ROBO2: variants seen among roughly 807,000 people sequenced by gnomAD.
ROBO2 encodes the protein roundabout guidance receptor 2, also known as roundabout homolog 2.
In ROBO2, 53 loss-of-function variants were observed where a neutral mutation model predicts 160.8. The observed-to-expected ratio is 0.33, with a 90% CI of 0.26 to 0.41. The LOEUF is 0.41. ROBO2 is among the 10% of genes least tolerant of loss of function. ROBO2 has a pLI of 1.00. For missense variants in ROBO2, 1,577 were observed against 1,722.4 expected, an observed-to-expected ratio of 0.92 and a Z score of 1.49; for synonymous variants, 664 against 611.7, an observed-to-expected ratio of 1.09 and a Z score of -1.26.
At chr3:77,393,570 T>C (rs372116813) in intron 2 of ROBO2, among the ~76,000 whole-genome samples, 4 of 148,608 alleles carry the variant, frequency 2.7e-5, no homozygotes, top group East Asian at 1.9e-4. Flanking sequence ...AATAGTATAG[T>C]ATAATTATAA....
chr3:75,933,715 T>G (rs1241980384), intron 1 of ROBO2, among the ~76,000 whole-genome samples: 1 of 151,986 alleles, frequency 6.6e-6, no homozygotes, highest in African/African-American at 2.4e-5. Context: ...TGGGGAAGAA[T>G]AAAACCATCT....
chr3:76,655,392 A>G (rs900060824), intron 2 of ROBO2, among the ~76,000 whole-genome samples: 1 of 119,296 alleles, frequency 8.4e-6, no homozygotes, highest in East Asian at 2.7e-4. Context: ...CAAAAAAAAA[A>G]CTATTTGAAA....
intron 2 of ROBO2, among the ~76,000 whole-genome samples, chr3:76,795,361 T>C (rs758150371): frequency 1.5e-4 from 23 of 152,104 alleles, no homozygotes; most frequent in Non-Finnish European, 2.6e-4. Flanking sequence ...TTTTACCCAC[T>C]GTAGAACTTC....
At chr3:77,562,159 A>G (rs2093342574) in intron 9 of ROBO2, among the ~76,000 whole-genome samples, 1 of 152,166 alleles carries the variant, frequency 6.6e-6, no homozygotes, top group Admixed American at 6.6e-5. Context: ...TTTCAAAAGA[A>G]AGAAAGTGTG....
chr3:76,233,404 A>T (rs1704742663), intron 2 of ROBO2, among the ~76,000 whole-genome samples: 1 of 152,090 alleles, frequency 6.6e-6, no homozygotes, highest in African/African-American at 2.4e-5. Flanking sequence ...TCGGCCTCCC[A>T]AGCTGCTGGG....
At chr3:76,378,221 C>T (rs781303121) in intron 2 of ROBO2, among the ~76,000 whole-genome samples, 1 of 152,022 alleles carries the variant, frequency 6.6e-6, no homozygotes, top group African/African-American at 2.4e-5. Context: ...TTTCTAAATC[C>T]ATGTTTCAAA....
chr3:76,983,983 C>T (rs139810315), intron 2 of ROBO2, among the ~76,000 whole-genome samples: 116 of 152,240 alleles, frequency 7.6e-4, no homozygotes, highest in African/African-American at 2.6e-3. Flanking sequence ...GCAAAGGAGA[C>T]GCAGGCACCT....
chr3:76,538,961 TAG>T (rs2082666578), intron 2 of ROBO2, among the ~76,000 whole-genome samples: 3 of 152,244 alleles, frequency 2.0e-5, no homozygotes, highest in Non-Finnish European at 4.4e-5. Context: ...TCAACAATGA[TAG>T]ACTGGATAAA....
At chr3:76,531,887 A>G (rs2082250806) in intron 2 of ROBO2, among the ~76,000 whole-genome samples, 1 of 151,344 alleles carries the variant, frequency 6.6e-6, no homozygotes, top group African/African-American at 2.4e-5. Flanking sequence ...TTCTTCCCCA[A>G]CTCCCAAAAC....
intron 2 of ROBO2, among the ~76,000 whole-genome samples, chr3:77,163,870 T>C (rs992732424): frequency 6.6e-6 from 1 of 152,224 alleles, no homozygotes; most frequent in African/African-American, 2.4e-5. Context: ...AAATGGTTTC[T>C]CTCAAAGGAT....
At chr3:75,955,103 C>T (rs1948676983) in intron 2 of ROBO2, among the ~76,000 whole-genome samples, 1 of 151,694 alleles carries the variant, frequency 6.6e-6, no homozygotes, top group Non-Finnish European at 1.5e-5. Context: ...GTTTGTTTTG[C>T]TAGTACCAAT....
intron 2 of ROBO2, among the ~76,000 whole-genome samples, chr3:76,712,168 T>G (rs1213249238): frequency 6.6e-6 from 1 of 152,140 alleles, no homozygotes; most frequent in Non-Finnish European, 1.5e-5. Flanking sequence ...TAAAATTAGG[T>G]TTATATATTA....
intron 2 of ROBO2, among the ~76,000 whole-genome samples, chr3:76,545,101 T>G (rs2083024084): frequency 6.6e-6 from 1 of 151,910 alleles, no homozygotes; most frequent in South Asian, 2.1e-4. Context: ...ACTGAACTTA[T>G]CCATCTTCTA....
At chr3:76,649,361 A>T (rs2091145241) in intron 2 of ROBO2, among the ~76,000 whole-genome samples, 1 of 152,180 alleles carries the variant, frequency 6.6e-6, no homozygotes, top group South Asian at 2.1e-4. Flanking sequence ...GAATAAACTT[A>T]ATTTATTTAA....
chr3:76,087,457 A>C (rs1294457623), intron 2 of ROBO2, among the ~76,000 whole-genome samples: 1 of 152,064 alleles, frequency 6.6e-6, no homozygotes, highest in Non-Finnish European at 1.5e-5. Flanking sequence ...AAAGAAAGAC[A>C]TTCTCAAACA....
chr3:76,074,162 C>T (rs9755016), intron 2 of ROBO2, among the ~76,000 whole-genome samples: 3 of 113,564 alleles, frequency 2.6e-5, no homozygotes, highest in Admixed American at 8.5e-5. Flanking sequence ...CATTTCTCAC[C>T]CTTCAGTTTC....
chr3:76,445,072 T>C (rs1559957017), intron 2 of ROBO2, among the ~76,000 whole-genome samples: 1 of 152,156 alleles, frequency 6.6e-6, no homozygotes, highest in African/African-American at 2.4e-5. Flanking sequence ...ATAAACTCTT[T>C]ACAATTCCAT....
At chr3:77,310,138 C>T (rs555364875) in intron 2 of ROBO2, among the ~76,000 whole-genome samples, 3 of 152,212 alleles carry the variant, frequency 2.0e-5, no homozygotes, top group Admixed American at 6.5e-5. Context: ...TCTTATTTTA[C>T]GTTTCCTTTA....
intron 6 of ROBO2, among the ~76,000 whole-genome samples, chr3:77,545,084 C>T (rs1374818830): frequency 6.6e-6 from 1 of 152,054 alleles, no homozygotes; most frequent in African/African-American, 2.4e-5. Context: ...AGCCTCCCAG[C>T]CAGACTTCTT....
Sources: gnomAD v4.1 joint callset for allele counts (sites outside exome capture counted in the v4.1 genomes callset) on GRCh38, gnomAD v4.1.1 for gene constraint, MANE v1.5 for transcripts, NCBI Gene and HGNC (gene_info 2026-07-23, HGNC 2026-07-21) for gene names.